Variants in PITPNM2 observed in about 807,000 individuals in gnomAD.
The protein encoded by PITPNM2 is membrane-associated phosphatidylinositol transfer protein 2.
In PITPNM2, 35 loss-of-function variants were observed where a neutral mutation model predicts 132.2. That is an observed-to-expected ratio of 0.26 (90% CI 0.20 to 0.35). The LOEUF is 0.35. PITPNM2 is among the 10% of genes least tolerant of loss of function. The pLI, the probability that PITPNM2 is intolerant of heterozygous loss-of-function variation, is 1.00. For synonymous variants in PITPNM2, 738 were observed against 799.2 expected, an observed-to-expected ratio of 0.92 and a Z score of 1.29; for missense variants, 1,332 against 1,912.0, an observed-to-expected ratio of 0.70 and a Z score of 5.66.
At chr12:123,042,116 G>T (rs1423212195) in intron 2 of PITPNM2, among the ~76,000 whole-genome samples, 1 of 152,090 alleles carries the variant, frequency 6.6e-6, no homozygotes, top group African/African-American at 2.4e-5. Flanking sequence ...AGAGCTGTGA[G>T]GGATGTCACC....
chr12:123,056,366 G>A (rs1006769979), intron 2 of PITPNM2, among the ~76,000 whole-genome samples: 2 of 152,196 alleles, frequency 1.3e-5, no homozygotes, highest in Non-Finnish European at 2.9e-5. Context: ...TATGTCTCAT[G>A]TCCACGTTGC....
intron 1 of PITPNM2, among the ~76,000 whole-genome samples, chr12:123,132,822 CCATGGTTCATT>C (rs1269504454): frequency 6.6e-6 from 1 of 152,142 alleles, no homozygotes; most frequent in African/African-American, 2.4e-5. Context: ...CAAGGTTCAT[CCATGGTTCATT>C]CAATACTTGG....
chr12:123,110,000 C>G (rs2042802742), intron 2 of PITPNM2, among the ~76,000 whole-genome samples: 1 of 152,216 alleles, frequency 6.6e-6, no homozygotes, highest in Non-Finnish European at 1.5e-5. Context: ...CTGTGTTACT[C>G]AGGCTGGAGT....
chr12:122,995,576 TGCCACCACCGCCACCGCCGCCACC>T lies in PITPNM2; in HGVS notation c.1843_1866del (p.Gly615_Gly622del). On this transcript the variant is annotated inframe_deletion, in exon 14 of 26. Coordinates refer to ENST00000320201, the MANE Select transcript of PITPNM2 (RefSeq NM_020845.3). ...CCACTACTGCCACCACCACCACTGCTGCCACCACCGCCACCGCCGCCACCGCCACCACCGCAGCAGTGTGCTGCA... is the reference window on the plus strand; with the variant it reads ...CCACTACTGCCACCACCACCACTGCTGCCACCACCGCAGCAGTGTGCTGCA... 8 of 1,607,138 alleles carry T rather than the reference TGCCACCACCGCCACCGCCGCCACC, an allele frequency of 5.0e-6. No homozygotes were observed. Among genetic ancestry groups the T allele is most frequent in the Non-Finnish European group, 6.8e-6 (8 of 1,179,610 alleles).
intron 2 of PITPNM2, among the ~76,000 whole-genome samples, chr12:123,040,808 T>A (rs913119691): frequency 3.3e-5 from 5 of 152,166 alleles, no homozygotes; most frequent in African/African-American, 9.7e-5. Context: ...AAGATTAAAT[T>A]TAATTTTTAC....
rs182864599 is a variant in PITPNM2 at position 123,082,435 on chromosome 12, T to C, written c.-96+27950A>G. The stretch of plus-strand genomic sequence containing the variant: ...TGTACATGTAACATAAAATTTACCA[T>C]CTTAGCCATTTCTTTATTTTCATTT... On this transcript the variant is annotated intron_variant, in intron 2 of 25. Transcript: ENST00000320201. This position sits in a 1 kb window ranked among gnomAD's most constrained non-coding sequence, Gnocchi z 5.4. 6.6e-6 allele frequency among the ~76,000 whole-genome samples: 1 copy of C among 152,306 alleles called. No homozygotes were observed. The highest frequency in any genetic ancestry group is 6.5e-5 in the Admixed American group (1 of 15,298).
intron 2 of PITPNM2, chr12:123,081,259 C>T (rs915001225): frequency 3.3e-5 from 5 of 152,492 alleles, no homozygotes; most frequent in Non-Finnish European, 7.3e-5. Flanking sequence ...GCATAGATAC[C>T]AACTGGGGAG....
At chr12:123,143,887 C>T (rs868772277) in intron 1 of PITPNM2, among the ~76,000 whole-genome samples, 5 of 152,224 alleles carry the variant, frequency 3.3e-5, no homozygotes, top group African/African-American at 7.2e-5. Context: ...CTCCAGTCTT[C>T]ATCCATTAAG....
intron 2 of PITPNM2, among the ~76,000 whole-genome samples, chr12:123,050,442 A>G (rs2040820741): frequency 6.6e-6 from 1 of 152,180 alleles, no homozygotes; most frequent in East Asian, 1.9e-4. Context: ...TCAGGGCAGA[A>G]TGGTACCAGA....
chr12:123,079,744 GCTT>G (rs2041903066), intron 2 of PITPNM2, among the ~76,000 whole-genome samples: 1 of 152,216 alleles, frequency 6.6e-6, no homozygotes, highest in African/African-American at 2.4e-5. Context: ...AGATTCTACC[GCTT>G]CTTCTCACTT....
chr12:123,024,260 A>G (rs1035608016), intron 3 of PITPNM2, among the ~76,000 whole-genome samples: 3 of 152,218 alleles, frequency 2.0e-5, no homozygotes, highest in African/African-American at 7.2e-5. Flanking sequence ...GGCGGTTAAA[A>G]AGACACACAG....
At chr12:123,026,301 C>T (rs745606597) in intron 3 of PITPNM2, among the ~76,000 whole-genome samples, 9 of 152,084 alleles carry the variant, frequency 5.9e-5, no homozygotes, top group Non-Finnish European at 8.8e-5. Flanking sequence ...AATGGAGTGA[C>T]GTGGCCACAA....
intron 3 of PITPNM2, among the ~76,000 whole-genome samples, chr12:123,026,034 A>C (rs2039852171): frequency 6.6e-6 from 1 of 152,192 alleles, no homozygotes; most frequent in Non-Finnish European, 1.5e-5. Context: ...CAAAGCACCA[A>C]GGTGGCTCAA....
intron 2 of PITPNM2, among the ~76,000 whole-genome samples, chr12:123,043,186 C>T (rs1262702839): frequency 6.6e-6 from 1 of 152,114 alleles, no homozygotes; most frequent in Non-Finnish European, 1.5e-5. Context: ...AATGAGGAGA[C>T]TAAGGCTCAG....
rs372041956 is a variant in PITPNM2, at chr12:122,996,782, C to T, written c.1601G>A (p.Arg534Gln). ...YQEAVATVIQ[R>Q]ANLAYGDFIK... ...GAAGTCCCCATAGGCAAGGTTGGCT[C>T]GCTGAATCACTGTGGCAACTGCCTC... The change falls in exon 12 of 26, where the codon CGA becomes CAA. Residue 534 changes from arginine to glutamine, a missense_variant. Arg to Gln is a conservative substitution (Grantham distance 43). This residue lies in a region of PITPNM2 where 710 missense variants were observed against 911.5 expected (regional missense o/e 0.78). Coordinates refer to ENST00000320201, the MANE Select transcript of PITPNM2 (RefSeq NM_020845.3). The T allele has an allele frequency of 1.1e-4, 185 of 1,610,848 alleles. No individual in the cohort carries two copies. The highest frequency in any genetic ancestry group is 1.5e-4 in the Non-Finnish European group (175 of 1,179,274).
rs1252603482 is a variant in PITPNM2, at chr12:123,123,125, A to G, written c.-199-12637T>C. 2.0e-5 allele frequency among the ~76,000 whole-genome samples: 3 copies of G among 152,176 alleles called. No homozygotes were observed. In the East Asian group the frequency reaches 5.8e-4, roughly 29 times the overall value. ...TTGCTTCCCATCTTCTGCTCTTACAATCTAAAACCCCATCAACAGGGACCT... is the reference window on the plus strand; with the variant it reads ...TTGCTTCCCATCTTCTGCTCTTACAGTCTAAAACCCCATCAACAGGGACCT... On this transcript the variant is annotated intron_variant, in intron 1 of 25. Transcript: ENST00000320201.
chr12:123,060,795 C>T (rs891907609), intron 2 of PITPNM2, among the ~76,000 whole-genome samples: 5 of 152,116 alleles, frequency 3.3e-5, no homozygotes, highest in African/African-American at 7.2e-5. Context: ...CCTAAGGGGG[C>T]AGCAGTCCTT....
rs1265185628 is a variant in PITPNM2 at position 122,985,136 on chromosome 12, G to A, written c.*891C>T. On this transcript the variant is annotated 3_prime_UTR_variant, in exon 26 of 26. Transcript: ENST00000320201. ...AGGCTGGACTCCGTCACAGTGCTGGGTGTTTTCAGTGTGGAGGGGCTGCTC... is the reference window on the plus strand; with the variant it reads ...AGGCTGGACTCCGTCACAGTGCTGGATGTTTTCAGTGTGGAGGGGCTGCTC... The A allele has an allele frequency of 6.6e-6, 1 of 152,572 alleles. No individual in the cohort carries two copies. Among genetic ancestry groups the A allele is most frequent in the African/African-American group, 2.4e-5 (1 of 41,452 alleles). 9.5% of individuals were successfully genotyped at this position (152,572 alleles called of 1,614,324 possible).
chr12:123,132,037 C>G (rs982228126), intron 1 of PITPNM2, among the ~76,000 whole-genome samples: 2 of 152,236 alleles, frequency 1.3e-5, no homozygotes, highest in Non-Finnish European at 2.9e-5. Flanking sequence ...CTCAGCACAC[C>G]CAGTGCCCGA....
Sources: gnomAD v4.1 joint callset for allele counts (sites outside exome capture counted in the v4.1 genomes callset) on GRCh38, gnomAD v4.1.1 for gene constraint, gnomAD v4.1.1 regional missense constraint, Gnocchi (gnomAD v3.1) non-coding constraint, MANE v1.5 for transcripts, NCBI Gene and HGNC (gene_info 2026-07-23, HGNC 2026-07-21) for gene names.